SDCCAG8: variants seen among roughly 807,000 people sequenced by gnomAD.
SDCCAG8 encodes serologically defined colon cancer antigen 8.
In SDCCAG8, 74 loss-of-function variants were observed where a neutral mutation model predicts 101.8. The ratio of observed to expected loss-of-function variants is 0.73; its 90% CI spans 0.60 to 0.88. The LOEUF is 0.88. Ranked by LOEUF, SDCCAG8 falls within the 40% of genes least tolerant of loss-of-function variation. The probability of loss-of-function intolerance (pLI) is 0.00; values close to 1 mark genes in which losing one functional copy is unlikely to be tolerated. For missense variants in SDCCAG8, 787 were observed against 822.6 expected, an observed-to-expected ratio of 0.96 and a Z score of 0.53; for synonymous variants, 281 against 292.9, an observed-to-expected ratio of 0.96 and a Z score of 0.41.
At chr1:243,317,193 T>A (rs2073328092) in intron 9 of SDCCAG8, among the ~76,000 whole-genome samples, 1 of 152,208 alleles carries the variant, frequency 6.6e-6, no homozygotes, top group South Asian at 2.1e-4. Context: ...GCAAAAATCT[T>A]AACACCCAGG....
intron 13 of SDCCAG8, among the ~76,000 whole-genome samples, chr1:243,392,788 A>G (rs1324661918): frequency 2.0e-5 from 3 of 152,172 alleles, no homozygotes; most frequent in Non-Finnish European, 4.4e-5. Flanking sequence ...TAAATGCAGG[A>G]ATGGTTGGGA....
At chr1:243,414,556 C>T (rs1462565970) in intron 13 of SDCCAG8, among the ~76,000 whole-genome samples, 1 of 152,044 alleles carries the variant, frequency 6.6e-6, no homozygotes, top group Non-Finnish European at 1.5e-5. Context: ...ACAACATGAC[C>T]ACATGCATTG....
At chr1:243,496,753 G>A (rs1358704678) in intron 17 of SDCCAG8, among the ~76,000 whole-genome samples, 1 of 152,248 alleles carries the variant, frequency 6.6e-6, no homozygotes, top group Non-Finnish European at 1.5e-5. Flanking sequence ...AACAGTTCAG[G>A]TCACCCAGAG....
At chr1:243,377,871 G>C (rs2077690499) in intron 12 of SDCCAG8, among the ~76,000 whole-genome samples, 2 of 146,744 alleles carry the variant, frequency 1.4e-5, no homozygotes, top group African/African-American at 2.5e-5. Flanking sequence ...TATTTTTAAA[G>C]GTTCATCTTT....
At chr1:243,265,630 C>T (rs1228662733) in intron 1 of SDCCAG8, among the ~76,000 whole-genome samples, 1 of 152,024 alleles carries the variant, frequency 6.6e-6, no homozygotes, top group Non-Finnish European at 1.5e-5. Context: ...CTGGCCAACA[C>T]GGTGAAACCC....
intron 12 of SDCCAG8, among the ~76,000 whole-genome samples, chr1:243,350,196 A>C (rs1191784221): frequency 6.6e-6 from 1 of 152,018 alleles, no homozygotes; most frequent in Non-Finnish European, 1.5e-5. Context: ...AAGCCCTAAA[A>C]GTCAGTCCTT....
chr1:243,440,412 A>G (rs1021786078), intron 16 of SDCCAG8, among the ~76,000 whole-genome samples: 1 of 152,182 alleles, frequency 6.6e-6, no homozygotes, highest in Non-Finnish European at 1.5e-5. Flanking sequence ...CTCAGGAAAC[A>G]CTGAATTTCA....
intron 8 of SDCCAG8, among the ~76,000 whole-genome samples, chr1:243,315,541 A>G (rs749477514): frequency 3.3e-5 from 5 of 152,216 alleles, no homozygotes; most frequent in Non-Finnish European, 4.4e-5. Flanking sequence ...AAGGGCTTTT[A>G]TGAAACTGCT....
chr1:243,330,046 A>G (rs1393611071), intron 9 of SDCCAG8, among the ~76,000 whole-genome samples: 3 of 152,208 alleles, frequency 2.0e-5, no homozygotes, highest in Non-Finnish European at 4.4e-5. Flanking sequence ...CTTGATTATT[A>G]TATAGTATTA....
At chr1:243,263,978 T>G (rs1321478699) in intron 1 of SDCCAG8, among the ~76,000 whole-genome samples, 1 of 152,124 alleles carries the variant, frequency 6.6e-6, no homozygotes, top group East Asian at 1.9e-4. Flanking sequence ...CTCACTGTGG[T>G]TTTATTTTTC....
chr1:243,412,865 G>A (rs1223738709), intron 13 of SDCCAG8, among the ~76,000 whole-genome samples: 1 of 151,602 alleles, frequency 6.6e-6, no homozygotes, highest in Non-Finnish European at 1.5e-5. Flanking sequence ...CAACTGTAAA[G>A]TGAGAGGGTT....
At chr1:243,346,370 G>A (rs905522539) in intron 12 of SDCCAG8, 3 of 153,356 alleles carry the variant, frequency 2.0e-5, no homozygotes. Context: ...TAAGTGTTGT[G>A]TATCTTACAA....
At chr1:243,360,648 C>A (rs535859006) in intron 12 of SDCCAG8, among the ~76,000 whole-genome samples, 1 of 151,880 alleles carries the variant, frequency 6.6e-6, no homozygotes, top group Non-Finnish European at 1.5e-5. Context: ...ATGGTGAAAC[C>A]CTGTCTCTAC....
intron 16 of SDCCAG8, among the ~76,000 whole-genome samples, chr1:243,486,566 G>A (rs1664906934): frequency 6.6e-6 from 1 of 152,256 alleles, no homozygotes; most frequent in African/African-American, 2.4e-5. Flanking sequence ...TCCATAGGAG[G>A]AAGGTCTAGG....
At chr1:243,441,025 T>C (rs1373953409) in intron 16 of SDCCAG8, among the ~76,000 whole-genome samples, 1 of 152,198 alleles carries the variant, frequency 6.6e-6, no homozygotes, top group African/African-American at 2.4e-5. Flanking sequence ...ATTTTGTATA[T>C]GAACATGGGC....
At chr1:243,448,154 T>G (rs1186375946) in intron 16 of SDCCAG8, among the ~76,000 whole-genome samples, 1 of 152,214 alleles carries the variant, frequency 6.6e-6, no homozygotes, top group Admixed American at 6.5e-5. Flanking sequence ...CATCCACAGG[T>G]GAAGCTTGAG....
Position 243,417,954 on chromosome 1 carries a change from A to C in SDCCAG8, c.1745-14A>C, listed in dbSNP as rs764318612. On this transcript the variant is annotated splice_polypyrimidine_tract_variant and intron_variant, in intron 14 of 17. Coordinates refer to ENST00000366541, the MANE Select transcript of SDCCAG8 (RefSeq NM_006642.5). ...AAACATCTTATGTTGGTGGGGGTTT[A>C]TTGTTATTTCTAGAAAATGAACAGT... 2 of 1,566,758 alleles carry C rather than the reference A, an allele frequency of 1.3e-6. No homozygotes were observed. The highest frequency in any genetic ancestry group is 2.7e-5 in the African/African-American group (2 of 73,888).
At chr1:243,486,804 T>G (rs1045800462) in intron 16 of SDCCAG8, among the ~76,000 whole-genome samples, 1 of 152,246 alleles carries the variant, frequency 6.6e-6, no homozygotes, top group African/African-American at 2.4e-5. Context: ...GGCACCTTCT[T>G]GCCATGCAGC....
intron 16 of SDCCAG8, among the ~76,000 whole-genome samples, chr1:243,437,174 G>T (rs1267177906): frequency 6.6e-6 from 1 of 152,110 alleles, no homozygotes; most frequent in Non-Finnish European, 1.5e-5. Context: ...TGTGTTTGTT[G>T]CTTTGCCTTA....
Sources: gnomAD v4.1 joint callset for allele counts (sites outside exome capture counted in the v4.1 genomes callset) on GRCh38, gnomAD v4.1.1 for gene constraint, MANE v1.5 for transcripts, NCBI Gene and HGNC (gene_info 2026-07-23, HGNC 2026-07-21) for gene names.